GLYCTK: variants seen among roughly 807,000 people sequenced by gnomAD.
GLYCTK encodes the protein glycerate kinase.
A neutral mutation model predicts 24.8 loss-of-function variants in GLYCTK; 22 were observed. That is an observed-to-expected ratio of 0.89 (90% CI 0.63 to 1.27). The LOEUF is 1.27. Among genes scored for constraint, GLYCTK ranks in the 50% most tolerant of loss-of-function variants. The probability of loss-of-function intolerance (pLI) is 0.00; values close to 1 mark genes in which losing one functional copy is unlikely to be tolerated. For synonymous variants in GLYCTK, 320 were observed against 297.2 expected, an observed-to-expected ratio of 1.08 and a Z score of -0.79; for missense variants, 684 against 686.7, an observed-to-expected ratio of 1.00 and a Z score of 0.04.
At chr3:52,291,146 G>C (rs1307823603) in intron 3 of GLYCTK, 35 bp downstream of exon 3, 1 of 1,601,186 alleles carries the variant, frequency 6.2e-7, no homozygotes, top group African/African-American at 1.3e-5. Context: ...CTGTTGGTGG[G>C]GGGTGCACCA....
chr3:52,290,604 A>C lies in GLYCTK; in HGVS notation c.262A>C (p.Lys88Gln). Reference sequence around the variant, plus strand: ...AAACCTCTACCTGGTGGGCTTTGGCAAGGCTGTGCTGGGTATGGCAGCTGC... The same window carrying C: ...AAACCTCTACCTGGTGGGCTTTGGCCAGGCTGTGCTGGGTATGGCAGCTGC... Reference protein sequence around the residue: ...RQNLYLVGFGKAVLGMAAAAE... With the variant: ...RQNLYLVGFGQAVLGMAAAAE... The change falls in exon 2 of 5, where the codon AAG becomes CAG. Residue 88 changes from lysine to glutamine, a missense_variant. Coordinates refer to ENST00000436784, the MANE Select transcript of GLYCTK (RefSeq NM_145262.4). The C allele has an allele frequency of 6.2e-7, 1 of 1,613,978 alleles. No homozygotes were observed. The highest frequency in any genetic ancestry group is 8.5e-7 in the Non-Finnish European group (1 of 1,180,022).
At position 52,289,907 on chromosome 3, in the gene GLYCTK, C is replaced by T. The variant is rs981394085; in HGVS notation, c.-39-397C>T. Among the ~76,000 whole-genome samples, 5 of 152,306 alleles carry T rather than the reference C, an allele frequency of 3.3e-5. No homozygotes were observed. The South Asian group carries it at 1.0e-3, about 32-fold the overall frequency. On this transcript the variant is annotated intron_variant, in intron 1 of 4. Transcript: ENST00000436784. Reference sequence around the variant, plus strand: ...AGGAGTGCCAGAAAGGGGCGTTGCCCCAGGGTAACAGCGCAGAAGTGCAGG... The same window carrying T: ...AGGAGTGCCAGAAAGGGGCGTTGCCTCAGGGTAACAGCGCAGAAGTGCAGG...
At chr3:52,288,273 C>T (rs1435494438) in intron 1 of GLYCTK, among the ~76,000 whole-genome samples, 1 of 152,094 alleles carries the variant, frequency 6.6e-6, no homozygotes, top group Non-Finnish European at 1.5e-5. Context: ...AGTGCAGTGG[C>T]GCGATCTCGG....
Position 52,294,103 on chromosome 3 carries a change from T to C in GLYCTK, c.*977T>C, listed in dbSNP as rs1363888701. Reference sequence around the variant, plus strand: ...GACCACTGGCGGGAGAAGAGGCAAGTGGGAATAGAGGAACGGCTGTGTTGG... The same window carrying C: ...GACCACTGGCGGGAGAAGAGGCAAGCGGGAATAGAGGAACGGCTGTGTTGG... On this transcript the variant is annotated 3_prime_UTR_variant, in exon 5 of 5. Coordinates refer to ENST00000436784, the MANE Select transcript of GLYCTK (RefSeq NM_145262.4). 1 of 523,174 alleles carries C rather than the reference T, an allele frequency of 1.9e-6. No homozygotes were observed. The highest frequency in any genetic ancestry group is 3.9e-6 in the Non-Finnish European group (1 of 255,702). 32.4% of individuals were successfully genotyped at this position (523,174 alleles called of 1,614,324 possible).
chr3:52,291,125 T>A lies in GLYCTK; in HGVS notation c.529+14T>A, dbSNP rs1475504495. 1 of 1,607,646 alleles carries A rather than the reference T, an allele frequency of 6.2e-7. No homozygotes were observed. Among genetic ancestry groups the A allele is most frequent in the East Asian group, 2.2e-5 (1 of 44,856 alleles). On this transcript the variant is annotated intron_variant, in intron 3 of 4. Coordinates refer to ENST00000436784, the MANE Select transcript of GLYCTK (RefSeq NM_145262.4). ...TGCTGATCTCAGGTGTGGTACCACA[T>A]TGGCCCAAGACTGTTGGTGGGGGGT... is the stretch of plus-strand genomic sequence containing the variant.
Position 52,293,827 on chromosome 3 carries a change from A to G in GLYCTK, c.*701A>G, listed in dbSNP as rs1700563937. On this transcript the variant is annotated 3_prime_UTR_variant, in exon 5 of 5. Transcript: ENST00000436784. ...AGCCTCAGCTTGTAGGCCTCGTTGG[A>G]TGGATGTCCTTTCTGTCTTTGGACA... 2.2e-6 allele frequency: 1 copy of G among 453,912 alleles called. No homozygotes were observed. The highest frequency in any genetic ancestry group is 2.4e-5 in the Admixed American group (1 of 42,532). The allele number at this position is 453,912 out of a possible 1,614,324, so 28.1% of individuals were successfully genotyped here.
At chr3:52,287,921 C>T (rs1700334966) in intron 1 of GLYCTK, 45 bp downstream of exon 1, 1 of 429,010 alleles carries the variant, frequency 2.3e-6, no homozygotes, top group Admixed American at 2.5e-5. Context: ...AGAAGCGGTC[C>T]CTGGGCTGGG....
chr3:52,291,556 G>GGGTA, intron 3 of GLYCTK, 191 bp from the exon 4 acceptor site: 1 of 608,264 alleles, frequency 1.6e-6, no homozygotes, highest in Non-Finnish European at 2.9e-6. Context: ...CTGGGACCTG[G>GGGTA]GGTACCCCAA....
chr3:52,292,704 C>A lies in GLYCTK; in HGVS notation c.1150C>A (p.Pro384Thr). The change falls in exon 5 of 5, where the codon CCA (proline) becomes ACA (threonine). Residue 384 changes from proline to threonine, a missense_variant. Transcript: ENST00000436784. ...LHELAAELQI[P>T]DLQLEEALET... ...TGAGCTGGCAGCTGAGCTTCAGATCCCAGACCTGCAGCTGGAGGAGGCTCT... is the reference window on the plus strand; with the variant it reads ...TGAGCTGGCAGCTGAGCTTCAGATCACAGACCTGCAGCTGGAGGAGGCTCT... 1.2e-6 allele frequency: 2 copies of A among 1,609,114 alleles called. No homozygotes were observed. The highest frequency in any genetic ancestry group is 1.7e-6 in the Non-Finnish European group (2 of 1,176,914).
chr3:52,290,683 A>G lies in GLYCTK; in HGVS notation c.341A>G (p.Lys114Arg), dbSNP rs1462520277. 1 of 1,613,252 alleles carries G rather than the reference A, an allele frequency of 6.2e-7. No homozygotes were observed. Among genetic ancestry groups the G allele is most frequent in the Non-Finnish European group, 8.5e-7 (1 of 1,179,786 alleles). The part of the protein sequence containing the change: ...HLVQGVISVP[K>R]GIRAAMERAG... ...GTGCAGGGCGTGATCAGCGTTCCCA[A>G]GGGGATCCGTGCTGCCATGGAGCGT... The change falls in exon 2 of 5, where the codon AAG becomes AGG. Residue 114 changes from lysine (K) to arginine (R), a missense_variant. Coordinates refer to ENST00000436784, the MANE Select transcript of GLYCTK (RefSeq NM_145262.4).
rs1180706245 is a variant in GLYCTK at position 52,293,192 on chromosome 3, G to C, written c.*66G>C. 20 of 1,580,852 alleles carry C rather than the reference G, an allele frequency of 1.3e-5. No individual in the cohort carries two copies. The highest frequency in any genetic ancestry group is 1.6e-5 in the Non-Finnish European group (19 of 1,158,398). ...AGGGCAAGGTCAGATGGCAGAGCAAGGTTGGTCCTCAGGGCCTCTCTAAGC... is the reference window on the plus strand; with the variant it reads ...AGGGCAAGGTCAGATGGCAGAGCAACGTTGGTCCTCAGGGCCTCTCTAAGC... On this transcript the variant is annotated 3_prime_UTR_variant, in exon 5 of 5. Transcript: ENST00000436784.
chr3:52,291,677 G>A, intron 3 of GLYCTK, 70 bp from the exon 4 acceptor site: 9 of 1,468,720 alleles, frequency 6.1e-6, no homozygotes, highest in Non-Finnish European at 7.6e-6. Context: ...ATGTGGGCTT[G>A]TCACCCCTGC....
In GLYCTK at chr3:52,293,389, C is replaced by G; in HGVS notation, c.*263C>G. On this transcript the variant is annotated 3_prime_UTR_variant, in exon 5 of 5. Coordinates refer to ENST00000436784, the MANE Select transcript of GLYCTK (RefSeq NM_145262.4). Reference sequence around the variant, plus strand: ...CCAGTTCAGCGTTCCCGTGCTTCTCCCTTGGGCAGCCTCTCTCTTGAGCCC... The same window carrying G: ...CCAGTTCAGCGTTCCCGTGCTTCTCGCTTGGGCAGCCTCTCTCTTGAGCCC... 3.0e-6 allele frequency: 2 copies of G among 674,660 alleles called. No individual in the cohort carries two copies. The highest frequency in any genetic ancestry group is 3.0e-5 in the South Asian group (2 of 66,548). The allele number at this position is 674,660 out of a possible 1,614,324, so 41.8% of individuals were successfully genotyped here. A position where few individuals can be genotyped will look rare whatever the true frequency, so the allele number is the denominator to read the frequency against.
At position 52,294,327 on chromosome 3, in the gene GLYCTK, A is replaced by G. The variant is rs568307681; in HGVS notation, c.*1201A>G. 3.7e-6 allele frequency: 2 copies of G among 534,500 alleles called. No individual in the cohort carries two copies. The highest frequency in any genetic ancestry group is 7.7e-6 in the Non-Finnish European group (2 of 260,054). The allele number at this position is 534,500 out of a possible 1,614,324, so 33.1% of individuals were successfully genotyped here. ...GAGGCCTGGGGCTGCTCTTGCAGGC[A>G]CTTCTTCCACCCCAACCCTCCCCTC... On this transcript the variant is annotated 3_prime_UTR_variant, in exon 5 of 5. Coordinates refer to ENST00000436784, the MANE Select transcript of GLYCTK (RefSeq NM_145262.4).
chr3:52,288,105 A>T (rs1439572014), intron 1 of GLYCTK: 3 of 189,870 alleles, frequency 1.6e-5, no homozygotes, highest in African/African-American at 7.2e-5. Context: ...AGGAGTCAAG[A>T]CCGGTAGTCT....
At chr3:52,290,896 G>T in intron 2 of GLYCTK, 64 bp from the exon 3 acceptor site, 1 of 1,604,858 alleles carries the variant, frequency 6.2e-7, no homozygotes, top group Admixed American at 1.7e-5. Flanking sequence ...CTGTAAAGTT[G>T]AGAGATCAGG....
chr3:52,292,396 C>T lies in GLYCTK; in HGVS notation c.842C>T (p.Pro281Leu). The change falls in exon 5 of 5, where the codon CCA becomes CTA. Residue 281 changes from proline to leucine, a missense_variant. Physicochemically the swap from Pro to Leu is moderately conservative, Grantham distance 98. Transcript: ENST00000436784. ...CGCTACGGCCTCCGTGCAGCCCTGC[C>T]ACGTTCTGTGAAGACTGTGCTGTCT... ...LNRYGLRAAL[P>L]RSVKTVLSRA... is the part of the protein sequence containing the mutation. 6.2e-7 allele frequency: 1 copy of T among 1,613,924 alleles called. No individual in the cohort carries two copies. Among genetic ancestry groups the T allele is most frequent in the Non-Finnish European group, 8.5e-7 (1 of 1,180,004 alleles).
chr3:52,294,692 C>A lies in GLYCTK; in HGVS notation c.*1566C>A. 2.3e-6 allele frequency: 1 copy of A among 440,294 alleles called. No individual in the cohort carries two copies. Among genetic ancestry groups the A allele is most frequent in the Non-Finnish European group, 4.6e-6 (1 of 217,664 alleles). 27.3% of individuals were successfully genotyped at this position (440,294 alleles called of 1,614,324 possible). ...CATGATCCTGTGCCGTGGTGCTCCT[C>A]TGGCAGCGTCTACATGTAGCCTGTT... On this transcript the variant is annotated 3_prime_UTR_variant, in exon 5 of 5. Transcript: ENST00000436784.
chr3:52,293,466 A>C lies in GLYCTK; in HGVS notation c.*340A>C. On this transcript the variant is annotated 3_prime_UTR_variant, in exon 5 of 5. Transcript: ENST00000436784. The stretch of plus-strand genomic sequence containing the variant: ...AGAATGTCTGAAAATAAATAGGACC[A>C]TGCCATGGGTTCTCAGTGCGCCTTC... 1 of 519,456 alleles carries C rather than the reference A, an allele frequency of 1.9e-6. No individual in the cohort carries two copies. Among genetic ancestry groups the C allele is most frequent in the Non-Finnish European group, 3.7e-6 (1 of 268,582 alleles). 32.2% of individuals were successfully genotyped at this position (519,456 alleles called of 1,614,324 possible). A position where few individuals can be genotyped will look rare whatever the true frequency, so the allele number is the denominator to read the frequency against.
Sources: gnomAD v4.1 joint callset for allele counts (sites outside exome capture counted in the v4.1 genomes callset) on GRCh38, gnomAD v4.1.1 for gene constraint, MANE v1.5 for transcripts, NCBI Gene and HGNC (gene_info 2026-07-23, HGNC 2026-07-21) for gene names.